MAP4: variants seen among roughly 807,000 people sequenced by gnomAD.
MAP4 encodes microtubule-associated protein 4.
Under a neutral mutation model 170.2 loss-of-function variants are expected in MAP4, and 76 were observed. That is an observed-to-expected ratio of 0.45 (90% CI 0.37 to 0.54). The LOEUF is 0.54. MAP4 is among the 20% of genes least tolerant of loss of function. The pLI is 0.00. For missense variants in MAP4, 2,506 were observed against 2,748.0 expected, an observed-to-expected ratio of 0.91 and a Z score of 1.97; for synonymous variants, 909 against 994.5, an observed-to-expected ratio of 0.91 and a Z score of 1.62.
intron 1 of MAP4, among the ~76,000 whole-genome samples, chr3:48,062,197 C>T (rs1466496286): frequency 6.6e-6 from 1 of 152,044 alleles, no homozygotes; most frequent in Non-Finnish European, 1.5e-5. Context: ...TATGACCTTA[C>T]CCCCAACCCG....
At chr3:47,894,409 T>A (rs2100025699) in intron 10 of MAP4, among the ~76,000 whole-genome samples, 1 of 151,878 alleles carries the variant, frequency 6.6e-6, no homozygotes, top group African/African-American at 2.4e-5. Flanking sequence ...GGTGAAACCC[T>A]GTCTCTACTA....
At chr3:47,861,921 G>C (rs1052812228) in intron 17 of MAP4, among the ~76,000 whole-genome samples, 1 of 151,700 alleles carries the variant, frequency 6.6e-6, no homozygotes, top group African/African-American at 2.4e-5. Flanking sequence ...TAGCACTTTG[G>C]GAGGCCGAGG....
Position 47,916,123 on chromosome 3 carries a change from G to T in MAP4, c.1704C>A (p.Asn568Lys). 1 of 1,614,210 alleles carries T rather than the reference G, an allele frequency of 6.2e-7. No homozygotes were observed. Among genetic ancestry groups the T allele is most frequent in the East Asian group, 2.2e-5 (1 of 44,886 alleles). The change falls in exon 7 of 21, where the codon AAC becomes AAA. Residue 568 changes from asparagine to lysine, a missense_variant. This residue lies in a region of MAP4 where 2,008 missense variants were observed against 2,206.0 expected (regional missense o/e 0.91). Coordinates refer to ENST00000683076, the MANE Select transcript of MAP4 (RefSeq NM_001385682.1). Reference sequence around the variant, plus strand: ...GAACATCTTTGGCTGGAGTCACATTGTTGGCCAGGGTCAGAACCCCATCCT... The same window carrying T: ...GAACATCTTTGGCTGGAGTCACATTTTTGGCCAGGGTCAGAACCCCATCCT... ...LAKDGVLTLA[N>K]NVTPAKDVPP...
rs1443017931 is a variant in MAP4 at position 48,004,000 on chromosome 3, T to A, written c.-19-5121A>T. Among the ~76,000 whole-genome samples the A allele has an allele frequency of 2.6e-5, 4 of 152,204 alleles. No homozygotes were observed. In the East Asian group the frequency reaches 7.7e-4, roughly 29 times the overall value. Reference sequence around the variant, plus strand: ...TGGGACTTGGACTGGCTTTCCTCGCTCCTCAGCTTGCAGACAGCCTTTTGT... The same window carrying A: ...TGGGACTTGGACTGGCTTTCCTCGCACCTCAGCTTGCAGACAGCCTTTTGT... On this transcript the variant is annotated intron_variant, in intron 1 of 20. Transcript: ENST00000683076.
intron 16 of MAP4, among the ~76,000 whole-genome samples, chr3:47,868,975 A>T (rs1363176477): frequency 6.6e-6 from 1 of 152,224 alleles, no homozygotes; most frequent in Non-Finnish European, 1.5e-5. Flanking sequence ...TCCAGCCAAA[A>T]ATTATACACA....
At chr3:48,064,965 C>G (rs978137257) in intron 1 of MAP4, among the ~76,000 whole-genome samples, 4 of 151,772 alleles carry the variant, frequency 2.6e-5, no homozygotes, top group Non-Finnish European at 4.4e-5. Flanking sequence ...CCCATCTCTA[C>G]AAAAAAAGAA....
intron 1 of MAP4, 48 bp from the exon 2 acceptor site, chr3:47,998,927 A>G (rs750157191): frequency 9.7e-7 from 1 of 1,031,402 alleles, no homozygotes; most frequent in Non-Finnish European, 1.5e-6. Flanking sequence ...CTGCAAAAGG[A>G]AAAACATTTC....
chr3:47,919,937 G>GTTA (rs1386831290), intron 5 of MAP4, among the ~76,000 whole-genome samples: 1 of 151,764 alleles, frequency 6.6e-6, no homozygotes, highest in Non-Finnish European at 1.5e-5. Context: ...TGTTGTTGTT[G>GTTA]TTGTTTGCCC....
At chr3:48,048,136 T>C (rs1001919960) in intron 1 of MAP4, among the ~76,000 whole-genome samples, 4 of 151,994 alleles carry the variant, frequency 2.6e-5, no homozygotes, top group African/African-American at 9.7e-5. Flanking sequence ...AAAGAGAAAG[T>C]ACAAAAGAGA....
At chr3:48,027,707 A>G (rs1263025800) in intron 1 of MAP4, among the ~76,000 whole-genome samples, 1 of 152,056 alleles carries the variant, frequency 6.6e-6, no homozygotes, top group Admixed American at 6.6e-5. Context: ...TTAGCCGAGC[A>G]TGCACCTGTG....
intron 10 of MAP4, among the ~76,000 whole-genome samples, chr3:47,898,397 G>C (rs569387186): frequency 1.3e-5 from 2 of 152,152 alleles, no homozygotes; most frequent in African/African-American, 4.8e-5. Context: ...AGCTACCCGG[G>C]AGGCTGAGGC....
intron 3 of MAP4, among the ~76,000 whole-genome samples, chr3:47,949,181 C>A (rs2100062024): frequency 6.6e-6 from 1 of 152,058 alleles, no homozygotes; most frequent in Non-Finnish European, 1.5e-5. Context: ...AAAATCACCA[C>A]CCAGCTGGGC....
intron 7 of MAP4, 109 bp downstream of exon 7, chr3:47,915,842 A>G (rs1270155457): frequency 7.7e-7 from 1 of 1,298,038 alleles, no homozygotes; most frequent in Non-Finnish European, 1.1e-6. Context: ...ATAAACTTGC[A>G]AAGTACAGTG....
intron 9 of MAP4, among the ~76,000 whole-genome samples, chr3:47,907,847 G>A (rs1357592816): frequency 6.6e-6 from 1 of 152,200 alleles, no homozygotes; most frequent in Non-Finnish European, 1.5e-5. Flanking sequence ...GTAGCTAATA[G>A]AAGATAAAAA....
chr3:47,974,044 C>T lies in MAP4; in HGVS notation c.292+3821G>A, dbSNP rs140782961. ...AGAAGAGGGAATGCTTCCTAAATTC[C>T]GGAAGTCGCTGCAAGGATTCAGTTT... On this transcript the variant is annotated intron_variant, in intron 3 of 20. Transcript: ENST00000683076. The T allele has an allele frequency of 1.4e-3, 1,395 of 985,244 alleles. 5 individuals are homozygous for T. The highest frequency in any genetic ancestry group is 1.6e-3 in the Non-Finnish European group (1,330 of 829,798). 61.0% of individuals were successfully genotyped at this position (985,244 alleles called of 1,614,324 possible). A position where few individuals can be genotyped will look rare whatever the true frequency, so the allele number is the denominator to read the frequency against.
At chr3:48,011,615 G>A (rs369139913) in intron 1 of MAP4, among the ~76,000 whole-genome samples, 6 of 151,458 alleles carry the variant, frequency 4.0e-5, no homozygotes, top group Non-Finnish European at 4.4e-5. Flanking sequence ...TACAACAGAC[G>A]AATGTGGGTG....
intron 1 of MAP4, among the ~76,000 whole-genome samples, chr3:48,023,138 A>G (rs1559808945): frequency 6.6e-6 from 1 of 152,208 alleles, no homozygotes; most frequent in Non-Finnish European, 1.5e-5. Flanking sequence ...TGACTTAGAC[A>G]TGTGGTGCAA....
chr3:47,855,126 G>A lies in MAP4; in HGVS notation c.6696+122C>T, dbSNP rs539318455. On this transcript the variant is annotated intron_variant, in intron 19 of 20. Transcript: ENST00000683076. This position sits in a 1 kb window ranked among gnomAD's most constrained non-coding sequence, Gnocchi z 5.1. ...GTGGGAAAACGGCAATGGTGTGGGT[G>A]AAGACATGACTCCTGAAGAGACTGA... The A allele has an allele frequency of 1.3e-5, 9 of 683,188 alleles. No individual in the cohort carries two copies. In the East Asian group the frequency reaches 2.0e-4, roughly 15 times the overall value. 42.3% of individuals were successfully genotyped at this position (683,188 alleles called of 1,614,324 possible).
At chr3:48,059,105 A>G (rs2100133797) in intron 1 of MAP4, among the ~76,000 whole-genome samples, 1 of 152,170 alleles carries the variant, frequency 6.6e-6, no homozygotes, top group Non-Finnish European at 1.5e-5. Context: ...AACAGCCTTC[A>G]TCATTAAGTA....
Sources: gnomAD v4.1 joint callset for allele counts (sites outside exome capture counted in the v4.1 genomes callset) on GRCh38, gnomAD v4.1.1 for gene constraint, gnomAD v4.1.1 regional missense constraint, Gnocchi (gnomAD v3.1) non-coding constraint, MANE v1.5 for transcripts, NCBI Gene and HGNC (gene_info 2026-07-23, HGNC 2026-07-21) for gene names.